The following EFL1 variants were observed in gnomAD, a reference collection of about 807,000 sequenced individuals.
The protein encoded by EFL1 is elongation factor-like GTPase 1.
Under a neutral mutation model 126.7 loss-of-function variants are expected in EFL1, and 76 were observed. The ratio of observed to expected loss-of-function variants is 0.60; its 90% CI spans 0.50 to 0.73. EFL1 has a LOEUF of 0.73. EFL1 is among the 30% of genes least tolerant of loss of function. EFL1 has a pLI of 0.00. For synonymous variants in EFL1, 410 were observed against 448.4 expected, an observed-to-expected ratio of 0.91 and a Z score of 1.08; for missense variants, 1,128 against 1,343.2, an observed-to-expected ratio of 0.84 and a Z score of 2.50.
At chr15:82,138,424 G>C (rs967805557) in intron 19 of EFL1, among the ~76,000 whole-genome samples, 1 of 112,092 alleles carries the variant, frequency 8.9e-6, no homozygotes, top group African/African-American at 3.6e-5. Context: ...GAGAGAGAGA[G>C]AGTGTATGTG....
At chr15:82,175,903 A>G (rs1488188129) in intron 15 of EFL1, among the ~76,000 whole-genome samples, 3 of 152,220 alleles carry the variant, frequency 2.0e-5, no homozygotes, top group Non-Finnish European at 4.4e-5. Context: ...TAGAATAATA[A>G]TAACTAAAAT....
intron 15 of EFL1, among the ~76,000 whole-genome samples, chr15:82,175,435 G>T (rs941344300): frequency 2.6e-5 from 4 of 152,138 alleles, no homozygotes; most frequent in African/African-American, 4.8e-5. Flanking sequence ...ATTGTGGACT[G>T]AAAAAATACA....
intron 17 of EFL1, among the ~76,000 whole-genome samples, chr15:82,156,713 C>T (rs80128485): frequency 0.076 from 11,511 of 152,186 alleles, 689 homozygotes; most frequent in African/African-American, 0.16. Flanking sequence ...TAATATATGA[C>T]TATATCAATC....
chr15:82,156,306 G>C (rs1480241843), intron 17 of EFL1, among the ~76,000 whole-genome samples: 1 of 151,790 alleles, frequency 6.6e-6, no homozygotes, highest in East Asian at 1.9e-4. Flanking sequence ...TATTTTTTTT[G>C]AGACAGAGTC....
intron 15 of EFL1, among the ~76,000 whole-genome samples, chr15:82,170,969 G>A (rs1243282258): frequency 6.6e-6 from 1 of 152,154 alleles, no homozygotes. Flanking sequence ...TAGTATAGTT[G>A]AAAACAATGC....
At chr15:82,206,074 G>A (rs1386315933) in intron 15 of EFL1, among the ~76,000 whole-genome samples, 1 of 152,176 alleles carries the variant, frequency 6.6e-6, no homozygotes, top group Non-Finnish European at 1.5e-5. Context: ...AAAGGCAACT[G>A]TAATCCACTA....
chr15:82,180,790 A>C (rs1276323067), intron 15 of EFL1, among the ~76,000 whole-genome samples: 1 of 151,906 alleles, frequency 6.6e-6, no homozygotes, highest in Non-Finnish European at 1.5e-5. Context: ...ACAGTGGTTC[A>C]ATCATGGCTT....
At chr15:82,136,645 G>C (rs1226743237) in intron 19 of EFL1, among the ~76,000 whole-genome samples, 3 of 152,048 alleles carry the variant, frequency 2.0e-5, no homozygotes, top group Non-Finnish European at 4.4e-5. Flanking sequence ...TATTTTTCAG[G>C]CACTGCCTTT....
intron 15 of EFL1, among the ~76,000 whole-genome samples, chr15:82,173,656 C>T (rs1426647499): frequency 6.6e-6 from 1 of 151,924 alleles, no homozygotes; most frequent in Non-Finnish European, 1.5e-5. Context: ...TATATCTTTC[C>T]TCTCTTAAAA....
At chr15:82,185,169 CTG>C (rs71156029) in intron 15 of EFL1, among the ~76,000 whole-genome samples, 17,879 of 139,642 alleles carry the variant, frequency 0.13, 1,024 homozygotes, top group Non-Finnish European at 0.15. Context: ...TCATGTGTGG[CTG>C]TGTGTGTGTG....
intron 15 of EFL1, among the ~76,000 whole-genome samples, chr15:82,190,507 A>G (rs187812577): frequency 2.6e-5 from 4 of 152,322 alleles, no homozygotes; most frequent in Admixed American, 2.6e-4. Flanking sequence ...AGAGGGAAGT[A>G]TCCATGTTTG....
intron 12 of EFL1, among the ~76,000 whole-genome samples, chr15:82,220,877 G>T (rs1265669039): frequency 1.3e-5 from 2 of 152,198 alleles, no homozygotes; most frequent in African/African-American, 2.4e-5. Flanking sequence ...TACTAAAAAG[G>T]TGTTGACAAA....
intron 19 of EFL1, among the ~76,000 whole-genome samples, chr15:82,136,108 TA>T (rs373142289): frequency 6.4e-4 from 94 of 145,776 alleles, no homozygotes; most frequent in African/African-American, 1.9e-3. Context: ...TACATTTTTC[TA>T]AAAAAAAAAG....
intron 15 of EFL1, among the ~76,000 whole-genome samples, chr15:82,168,353 G>T (rs1182228580): frequency 1.3e-5 from 2 of 152,044 alleles, no homozygotes; most frequent in Non-Finnish European, 2.9e-5. Flanking sequence ...TCAGAAGATG[G>T]GTCAAGTCTG....
intron 4 of EFL1, 29 bp from the exon 5 acceptor site, chr15:82,241,432 T>C: frequency 4.4e-6 from 7 of 1,604,962 alleles, no homozygotes; most frequent in Non-Finnish European, 6.0e-6. Flanking sequence ...ACACACATTT[T>C]CAGTTGTCCA....
At chr15:82,161,770 A>T (rs1241482041) in intron 16 of EFL1, among the ~76,000 whole-genome samples, 2 of 152,138 alleles carry the variant, frequency 1.3e-5, no homozygotes, top group Non-Finnish European at 2.9e-5. Context: ...AGACTATCTC[A>T]TTTATGGAAA....
chr15:82,240,109 G>C (rs948180006), intron 6 of EFL1, among the ~76,000 whole-genome samples: 2 of 152,138 alleles, frequency 1.3e-5, no homozygotes, highest in African/African-American at 2.4e-5. Context: ...AAAATTTCCT[G>C]TAACGACAGG....
chr15:82,234,637 T>C (rs539043170), intron 7 of EFL1, among the ~76,000 whole-genome samples: 2 of 152,252 alleles, frequency 1.3e-5, no homozygotes, highest in Admixed American at 1.3e-4. Flanking sequence ...AAAATACATT[T>C]TAAAAAACGG....
chr15:82,227,938 T>C (rs113210065), intron 10 of EFL1, among the ~76,000 whole-genome samples: 4 of 152,342 alleles, frequency 2.6e-5, no homozygotes, highest in African/African-American at 9.6e-5. Flanking sequence ...TTTATTTTTA[T>C]AGATTACTAA....
Sources: gnomAD v4.1 joint callset for allele counts (sites outside exome capture counted in the v4.1 genomes callset) on GRCh38, gnomAD v4.1.1 for gene constraint, MANE v1.5 for transcripts, NCBI Gene and HGNC (gene_info 2026-07-23, HGNC 2026-07-21) for gene names.